The following TIAM1 variants were observed in gnomAD, a reference collection of about 807,000 sequenced individuals.
TIAM1 encodes the protein rho guanine nucleotide exchange factor TIAM1.
TIAM1 carries 65 observed loss-of-function variants against 163.5 expected under a neutral mutation model. That is an observed-to-expected ratio of 0.40 (90% CI 0.33 to 0.49). The LOEUF is 0.49. Ranked by LOEUF, TIAM1 falls within the 20% of genes least tolerant of loss-of-function variation. TIAM1 has a pLI of 0.77. For synonymous variants in TIAM1, 833 were observed against 810.1 expected, an observed-to-expected ratio of 1.03 and a Z score of -0.48; for missense variants, 1,789 against 2,044.7, an observed-to-expected ratio of 0.87 and a Z score of 2.41.
chr21:31,377,496 G>C (rs987150815), intron 2 of TIAM1, among the ~76,000 whole-genome samples: 6 of 152,078 alleles, frequency 3.9e-5, no homozygotes, highest in Non-Finnish European at 7.4e-5. Context: ...AGTGGGATCA[G>C]GACACTATGC....
intron 4 of TIAM1, among the ~76,000 whole-genome samples, chr21:31,258,349 A>G (rs971690922): frequency 6.6e-6 from 1 of 152,208 alleles, no homozygotes; most frequent in Admixed American, 6.5e-5. Context: ...CTGCAGCTGG[A>G]GTTAAAGGTT....
At chr21:31,543,052 C>T (rs2048369904) in intron 1 of TIAM1, among the ~76,000 whole-genome samples, 1 of 152,156 alleles carries the variant, frequency 6.6e-6, no homozygotes, top group East Asian at 1.9e-4. Flanking sequence ...CGATGTTTTT[C>T]TTGGTTTTCT....
intron 2 of TIAM1, among the ~76,000 whole-genome samples, chr21:31,408,999 C>G (rs577519711): frequency 1.2e-4 from 19 of 152,316 alleles, no homozygotes; most frequent in East Asian, 9.7e-4. Flanking sequence ...ACATGCCCCC[C>G]CCTCCAGGCT....
intron 4 of TIAM1, among the ~76,000 whole-genome samples, chr21:31,252,828 C>G (rs2071888897): frequency 6.6e-6 from 1 of 152,220 alleles, no homozygotes; most frequent in African/African-American, 2.4e-5. Context: ...AACAAGCAGC[C>G]TCTCACTCTG....
chr21:31,500,944 C>A (rs1157646683), intron 1 of TIAM1, among the ~76,000 whole-genome samples: 1 of 152,196 alleles, frequency 6.6e-6, no homozygotes, highest in Non-Finnish European at 1.5e-5. Flanking sequence ...TCTACAAAAA[C>A]CAAATTCTTG....
intron 2 of TIAM1, among the ~76,000 whole-genome samples, chr21:31,373,371 T>C (rs1244291737): frequency 6.6e-6 from 1 of 152,080 alleles, no homozygotes. Flanking sequence ...CAAAGAGAGG[T>C]TTAATTGCAC....
chr21:31,364,475 T>G (rs1199150943), intron 2 of TIAM1, among the ~76,000 whole-genome samples: 1 of 152,100 alleles, frequency 6.6e-6, no homozygotes, highest in Non-Finnish European at 1.5e-5. Flanking sequence ...CCCCAGCAAC[T>G]GAAGTGGGTG....
rs766352966 is a variant in TIAM1, at chr21:31,120,322, G to A, written c.*46C>T. The stretch of plus-strand genomic sequence containing the variant: ...CGGTACAGGAGGGTGGGCAGAGTTA[G>A]GGCAGGAAGTATCTACACACATTCT... On this transcript the variant is annotated 3_prime_UTR_variant, in exon 28 of 28. Coordinates refer to ENST00000541036, the MANE Select transcript of TIAM1 (RefSeq NM_001353694.2). The surrounding 1 kb of genome is among the most constrained non-coding windows in gnomAD (Gnocchi z 4.2). The A allele has an allele frequency of 2.0e-6, 3 of 1,537,098 alleles. No homozygotes were observed. Among genetic ancestry groups the A allele is most frequent in the South Asian group, 2.5e-5 (2 of 78,912 alleles).
chr21:31,177,487 A>G (rs1159025577), intron 15 of TIAM1, among the ~76,000 whole-genome samples: 1 of 152,180 alleles, frequency 6.6e-6, no homozygotes, highest in Non-Finnish European at 1.5e-5. Context: ...GATGCCTGTA[A>G]TCCCGGCTAT....
chr21:31,443,337 T>A (rs918614268), intron 2 of TIAM1, among the ~76,000 whole-genome samples: 1 of 152,192 alleles, frequency 6.6e-6, no homozygotes, highest in African/African-American at 2.4e-5. Flanking sequence ...GGAGGCAACA[T>A]CTTCCCACAA....
intron 2 of TIAM1, among the ~76,000 whole-genome samples, chr21:31,387,573 T>A (rs1011778571): frequency 6.6e-5 from 10 of 151,824 alleles, no homozygotes; most frequent in Non-Finnish European, 1.3e-4. Flanking sequence ...CTTCTGACGA[T>A]GTTGGGAAGG....
At chr21:31,498,360 C>A (rs1448193674) in intron 1 of TIAM1, among the ~76,000 whole-genome samples, 1 of 152,206 alleles carries the variant, frequency 6.6e-6, no homozygotes, top group Non-Finnish European at 1.5e-5. Context: ...TAAGAAGGTA[C>A]TACTGTCTGC....
chr21:31,522,151 G>A (rs887996906), intron 1 of TIAM1, among the ~76,000 whole-genome samples: 4 of 151,816 alleles, frequency 2.6e-5, no homozygotes, highest in African/African-American at 9.7e-5. Context: ...GATTACAGGC[G>A]TGAGCCACCA....
chr21:31,536,022 G>A (rs532812764), intron 1 of TIAM1, among the ~76,000 whole-genome samples: 3 of 152,274 alleles, frequency 2.0e-5, no homozygotes, highest in Admixed American at 6.5e-5. Flanking sequence ...TTCTAGAGGC[G>A]ATGGTGCCTG....
intron 4 of TIAM1, among the ~76,000 whole-genome samples, chr21:31,257,994 C>A (rs923047152): frequency 5.9e-5 from 9 of 151,726 alleles, no homozygotes; most frequent in South Asian, 2.1e-4. Flanking sequence ...CTCCCTCCTC[C>A]CCTCCTCTCC....
intron 27 of TIAM1, 171 bp downstream of exon 27, chr21:31,124,351 A>T: frequency 1.2e-6 from 1 of 835,360 alleles, no homozygotes; most frequent in Non-Finnish European, 1.7e-6. Context: ...CCCAGGAGCC[A>T]CTGGGAAGGA....
Position 31,258,651 on chromosome 21 carries a change from G to A in TIAM1, c.964-6462C>T, listed in dbSNP as rs368783302. ...TCTAGACCATCCTGGCCAACACAGT[G>A]AAACCCCGTCTCTACTAAAAATACA... On this transcript the variant is annotated intron_variant, in intron 4 of 27. Coordinates refer to ENST00000541036, the MANE Select transcript of TIAM1 (RefSeq NM_001353694.2). Among the ~76,000 whole-genome samples, 4 of 152,218 alleles carry A rather than the reference G, an allele frequency of 2.6e-5. No homozygotes were observed. The East Asian group carries it at 7.7e-4, about 29-fold the overall frequency.
At chr21:31,371,045 T>C (rs1320817799) in intron 2 of TIAM1, among the ~76,000 whole-genome samples, 2 of 152,202 alleles carry the variant, frequency 1.3e-5, no homozygotes, top group Admixed American at 6.5e-5. Context: ...CCAGAATGAC[T>C]GTGTTCTTCT....
At chr21:31,515,562 A>T (rs1466243752) in intron 1 of TIAM1, among the ~76,000 whole-genome samples, 1 of 152,122 alleles carries the variant, frequency 6.6e-6, no homozygotes, top group Non-Finnish European at 1.5e-5. Flanking sequence ...CACCCTATAA[A>T]CACCCAATTG....
Sources: allele counts gnomAD v4.1 joint callset (sites outside exome capture counted in the v4.1 genomes callset), GRCh38; gene constraint gnomAD v4.1.1; non-coding constraint Gnocchi (gnomAD v3.1); transcripts MANE v1.5; gene names NCBI Gene and HGNC (gene_info 2026-07-23, HGNC 2026-07-21).